Variants in NEB observed in about 807,000 individuals in gnomAD.
The protein encoded by NEB is nemaline myopathy type 2.
In NEB, 512 loss-of-function variants were observed where a neutral mutation model predicts 952.2. That is an observed-to-expected ratio of 0.54 (90% CI 0.50 to 0.58). The LOEUF (loss-of-function observed/expected upper bound fraction) is 0.58. NEB is among the 20% of genes least tolerant of loss of function. The pLI, the probability that NEB is intolerant of heterozygous loss-of-function variation, is 0.00. For missense variants in NEB, 8,428 were observed against 9,231.1 expected, an observed-to-expected ratio of 0.91 and a Z score of 3.56; for synonymous variants, 2,900 against 3,149.8, an observed-to-expected ratio of 0.92 and a Z score of 2.66.
chr2:151,536,412 T>C (rs2093215119), intron 141 of NEB, among the ~76,000 whole-genome samples: 1 of 152,200 alleles, frequency 6.6e-6, no homozygotes, highest in Non-Finnish European at 1.5e-5. Flanking sequence ...ATTATTTAAC[T>C]TTGAAAGTAT....
chr2:151,662,762 A>C (rs1264548355), intron 45 of NEB, among the ~76,000 whole-genome samples: 1 of 152,064 alleles, frequency 6.6e-6, no homozygotes, highest in Non-Finnish European at 1.5e-5. Context: ...TTTCTCTTTC[A>C]CTGTCTTTGA....
intron 37 of NEB, chr2:151,671,459 C>G: frequency 2.2e-6 from 1 of 446,828 alleles, no homozygotes; most frequent in Non-Finnish European, 4.0e-6. Flanking sequence ...TTCATGGGTA[C>G]TGCTAAAAAA....
chr2:151,722,571 G>A (rs187382304), intron 9 of NEB, among the ~76,000 whole-genome samples: 2 of 152,136 alleles, frequency 1.3e-5, no homozygotes, highest in Non-Finnish European at 2.9e-5. Flanking sequence ...TTAAGATGGA[G>A]GTCTCGCTGT....
chr2:151,617,317 G>C (rs1255771216), intron 75 of NEB, 47 bp downstream of exon 75: 11 of 1,316,040 alleles, frequency 8.4e-6, no homozygotes, highest in Non-Finnish European at 1.2e-5. Flanking sequence ...AGCTACAGTG[G>C]TTCATTTTTG....
Position 151,494,202 on chromosome 2 carries a change from C to G in NEB, c.24538G>C (p.Glu8180Gln). ...GKATATPVTP[E>Q]MQRVKRNQEN... ...TGATTGCGTTTGACTCTCTGCATCTCAGGAGTGACAGGGGTTGCGGTGGCT... is the reference window on the plus strand; with the variant it reads ...TGATTGCGTTTGACTCTCTGCATCTGAGGAGTGACAGGGGTTGCGGTGGCT... Residue 8180 changes from glutamate to glutamine, a missense_variant, in exon 174 of 182, where the codon GAG becomes CAG. By Grantham distance (29) the Glu-to-Gln change is conservative. Coordinates refer to ENST00000397345, the MANE Select transcript of NEB (RefSeq NM_001164508.2). The G allele has an allele frequency of 6.2e-7, 1 of 1,608,248 alleles. No homozygotes were observed.
At chr2:151,531,751 C>T in intron 144 of NEB, 41 bp downstream of exon 144, 1 of 1,437,554 alleles carries the variant, frequency 7.0e-7, no homozygotes, top group Non-Finnish European at 9.7e-7. Flanking sequence ...TTGCAGATGC[C>T]CCCTGAGTTT....
At chr2:151,569,835 T>C (rs11900890) in intron 109 of NEB, among the ~76,000 whole-genome samples, 8,468 of 152,270 alleles carry the variant, frequency 0.056, 248 homozygotes, top group Non-Finnish European at 0.06. Context: ...AGAAAGAATA[T>C]TTTCACAGTT....
chr2:151,527,176 G>A (rs1056678191), intron 147 of NEB, among the ~76,000 whole-genome samples, 154 bp from the exon 148 acceptor site: 1 of 152,084 alleles, frequency 6.6e-6, no homozygotes, highest in Non-Finnish European at 1.5e-5. Flanking sequence ...ACTGCATTTT[G>A]GACTCCTCCT....
At chr2:151,650,514 A>C (rs2099019112) in intron 53 of NEB, 60 bp downstream of exon 53, 1 of 1,488,402 alleles carries the variant, frequency 6.7e-7, no homozygotes, top group Non-Finnish European at 9.0e-7. Context: ...CTTTGACTAA[A>C]TAGCTACTCA....
intron 68 of NEB, 49 bp from the exon 69 acceptor site, chr2:151,627,883 A>AT (rs754184037): frequency 6.4e-7 from 1 of 1,561,304 alleles, no homozygotes. Flanking sequence ...AGAAAGGCTT[A>AT]GAAGCCTCAT....
rs1438990571 is a variant in NEB, at chr2:151,615,999, T to A, written c.11289+3A>T. Reference sequence around the variant, plus strand: ...AAATGGCTTTTCCAAAACATCCACTTACATCACTAGCAATATCTCTTGAAG... The same window carrying A: ...AAATGGCTTTTCCAAAACATCCACTAACATCACTAGCAATATCTCTTGAAG... On this transcript the variant is annotated splice_donor_region_variant and intron_variant, in intron 76 of 181. Transcript: ENST00000397345. 6.2e-7 allele frequency: 1 copy of A among 1,604,456 alleles called. No individual in the cohort carries two copies. Among genetic ancestry groups the A allele is most frequent in the Admixed American group, 1.7e-5 (1 of 59,322 alleles).
At chr2:151,616,189 A>T (rs1225328124) in intron 75 of NEB, 80 bp from the exon 76 acceptor site, 3 of 991,646 alleles carry the variant, frequency 3.0e-6, no homozygotes, top group Non-Finnish European at 4.6e-6. Flanking sequence ...CTTTGTCCTC[A>T]TTTAAACTTC....
chr2:151,522,453 C>T (rs1057227265), intron 153 of NEB, among the ~76,000 whole-genome samples: 19 of 152,274 alleles, frequency 1.2e-4, no homozygotes, highest in Admixed American at 5.2e-4. Flanking sequence ...TTAACTTGAT[C>T]AGTGTCAGCA....
rs1422803945 is a variant in NEB at position 151,640,680 on chromosome 2, A to G, written c.8374-14T>C. 2 of 1,602,424 alleles carry G rather than the reference A, an allele frequency of 1.2e-6. No homozygotes were observed. Among genetic ancestry groups the G allele is most frequent in the Non-Finnish European group, 1.7e-6 (2 of 1,171,846 alleles). On this transcript the variant is annotated splice_polypyrimidine_tract_variant and intron_variant, in intron 60 of 181. Coordinates refer to ENST00000397345, the MANE Select transcript of NEB (RefSeq NM_001164508.2). The stretch of plus-strand genomic sequence containing the variant: ...TTTGTACTTGAACTAAAAGAAGAAA[A>G]AGACAGATAGTCATCTGTTTTAACT...
intron 12 of NEB, among the ~76,000 whole-genome samples, chr2:151,707,287 T>C (rs1204635899): frequency 6.6e-6 from 1 of 152,062 alleles, no homozygotes; most frequent in Non-Finnish European, 1.5e-5. Context: ...GTCCTTGCCC[T>C]CAAAGAGAGA....
At chr2:151,533,356 T>C in intron 143 of NEB, 86 bp downstream of exon 143, 1 of 849,302 alleles carries the variant, frequency 1.2e-6, no homozygotes, top group Non-Finnish European at 1.9e-6. Context: ...GGGCAGGGAG[T>C]GGAAGAGGAA....
chr2:151,689,389 A>G (rs1347867822), intron 24 of NEB: 1 of 151,666 alleles, frequency 6.6e-6, no homozygotes, highest in African/African-American at 2.4e-5. Flanking sequence ...ATTTTTTTGT[A>G]GAGATGGGGT....
rs757496436 is a variant in NEB at position 151,525,915 on chromosome 2, A to G, written c.22161+43T>C. The stretch of plus-strand genomic sequence containing the variant: ...ATTATTTCACCAGATTCTACAGTCA[A>G]GTGGCATTGTTGCTGCCAAGAGACC... On this transcript the variant is annotated intron_variant, in intron 150 of 181. Transcript: ENST00000397345. 12 of 1,440,676 alleles carry G rather than the reference A, an allele frequency of 8.3e-6. No homozygotes were observed. The East Asian group carries it at 9.1e-5, about 11-fold the overall frequency. 89.2% of individuals were successfully genotyped at this position (1,440,676 alleles called of 1,614,324 possible). A position where few individuals can be genotyped will look rare whatever the true frequency, so the allele number is the denominator to read the frequency against.
intron 172 of NEB, 47 bp downstream of exon 172, chr2:151,496,894 A>C (rs2060576645): frequency 6.8e-7 from 1 of 1,479,832 alleles, no homozygotes; most frequent in South Asian, 1.2e-5. Flanking sequence ...ATCATGAAAT[A>C]GTTTTTAAAA....
Sources: allele counts gnomAD v4.1 joint callset (sites outside exome capture counted in the v4.1 genomes callset), GRCh38; gene constraint gnomAD v4.1.1; transcripts MANE v1.5; gene names NCBI Gene and HGNC (gene_info 2026-07-23, HGNC 2026-07-21).